Variants in MROH9 observed in about 807,000 individuals in gnomAD.
MROH9 encodes the protein maestro heat like repeat family member 9, also known as maestro heat-like repeat-containing protein family member 9.
In MROH9, 92 loss-of-function variants were observed where a neutral mutation model predicts 98.2. That is an observed-to-expected ratio of 0.94 (90% CI 0.79 to 1.11). The LOEUF (loss-of-function observed/expected upper bound fraction) is 1.11, where lower values mean the gene tolerates loss of function less well. Among genes scored for constraint, MROH9 ranks in the 50% most tolerant of loss-of-function variants. The probability of loss-of-function intolerance (pLI) is 0.00; values close to 1 mark genes in which losing one functional copy is unlikely to be tolerated. For missense variants in MROH9, 1,057 were observed against 1,014.8 expected, an observed-to-expected ratio of 1.04 and a Z score of -0.57; for synonymous variants, 397 against 368.9, an observed-to-expected ratio of 1.08 and a Z score of -0.87.
At position 171,062,178 on chromosome 1, in the gene MROH9, C is replaced by T. The variant is rs778665747; in HGVS notation, c.2328C>T (p.Ile776=). ...SGGHLLLRDE[I]EVMLDVIERL... The stretch of plus-strand genomic sequence containing the variant: ...GTCATTTACTGCTTAGAGATGAAAT[C>T]GAAGTCATGCTTGATGGTGAGTATT... Residue 776 remains isoleucine, a synonymous_variant, in exon 21 of 22, where the codon ATC becomes ATT. Coordinates refer to ENST00000367759, the MANE Select transcript of MROH9 (RefSeq NM_001163629.2). 9.0e-6 allele frequency: 14 copies of T among 1,548,804 alleles called. No individual in the cohort carries two copies. Among genetic ancestry groups the T allele is most frequent in the East Asian group, 4.9e-5 (2 of 40,844 alleles).
chr1:171,063,532 A>C (rs1654075204), intron 21 of MROH9, among the ~76,000 whole-genome samples: 1 of 152,268 alleles, frequency 6.6e-6, no homozygotes, highest in African/African-American at 2.4e-5. Context: ...GATTATAGGC[A>C]TGAGCCACCG....
At position 170,936,812 on chromosome 1, in the gene MROH9, T is replaced by G. The variant is rs143901317; in HGVS notation, c.-38+1225T>G. On this transcript the variant is annotated intron_variant, in intron 1 of 21. Transcript: ENST00000367759. ...GTGCACCGGCCCAGTTGGATTAACC[T>G]CCAAAGGACTGAGCCCTGAACAAAG... is the stretch of plus-strand genomic sequence containing the variant. Among the ~76,000 whole-genome samples, 1,060 of 150,426 alleles carry G rather than the reference T, an allele frequency of 7.0e-3. 7 individuals are homozygous for G. Among genetic ancestry groups the G allele is most frequent in the African/African-American group, 0.024 (984 of 40,768 alleles).
chr1:171,030,796 T>C (rs1652880542), intron 20 of MROH9, among the ~76,000 whole-genome samples: 1 of 152,232 alleles, frequency 6.6e-6, no homozygotes, highest in Admixed American at 6.5e-5. Flanking sequence ...CATATGTCTA[T>C]TGGGCCCATT....
chr1:171,060,566 G>A (rs1268325281), intron 20 of MROH9, among the ~76,000 whole-genome samples: 1 of 152,140 alleles, frequency 6.6e-6, no homozygotes, highest in Non-Finnish European at 1.5e-5. Flanking sequence ...ATGTCGTAGT[G>A]ACACAATGAT....
chr1:170,937,293 T>C (rs1648924349), intron 1 of MROH9, among the ~76,000 whole-genome samples: 1 of 152,214 alleles, frequency 6.6e-6, no homozygotes, highest in Non-Finnish European at 1.5e-5. Context: ...CTCTCTTCCT[T>C]GATGTCCTGT....
In MROH9 at chr1:171,059,992, A is replaced by G. The variant is rs192914341; in HGVS notation, c.2282-2140A>G. Among the ~76,000 whole-genome samples, 446 of 152,164 alleles carry G rather than the reference A, an allele frequency of 2.9e-3. 2 individuals carry two copies. The highest frequency in any genetic ancestry group is 0.017 in the Middle Eastern group (5 of 294). On this transcript the variant is annotated intron_variant, in intron 20 of 21. Transcript: ENST00000367759. ...CTCACATATTTTAAAAAATGATGGA[A>G]AGAGAAAGAAAATAAATTTCTCTCT...
intron 20 of MROH9, among the ~76,000 whole-genome samples, chr1:171,060,743 A>C (rs75493238): frequency 0.01 from 1,526 of 152,302 alleles, 27 homozygotes; most frequent in African/African-American, 0.035. Flanking sequence ...GATGGATGGT[A>C]TATATAAGCA....
intron 3 of MROH9, among the ~76,000 whole-genome samples, chr1:170,955,452 C>T (rs1043482964): frequency 1.2e-4 from 18 of 152,062 alleles, no homozygotes; most frequent in African/African-American, 4.1e-4. Flanking sequence ...TAGAAATGTT[C>T]CCTGATCACC....
Position 171,064,282 on chromosome 1 carries a change from A to G in MROH9, c.2528A>G (p.Asn843Ser), listed in dbSNP as rs999381625. 6.4e-7 allele frequency: 1 copy of G among 1,551,200 alleles called. No individual in the cohort carries two copies. The highest frequency in any genetic ancestry group is 8.7e-7 in the Non-Finnish European group (1 of 1,146,708). Residue 843 changes from asparagine (N) to serine (S), a missense_variant, in exon 22 of 22, where the codon AAT (asparagine) becomes AGT (serine). By Grantham distance (46) the Asn-to-Ser change is conservative (BLOSUM62 1). Transcript: ENST00000367759. The stretch of plus-strand genomic sequence containing the variant: ...CCTCTTTACAATTATAACTCACCCA[A>G]TGGCCAGATAGACAGTCCTACAGAC... ...LKPLYNYNSP[N>S]GQIDSPTDSK... is the part of the protein sequence containing the mutation.
intron 1 of MROH9, among the ~76,000 whole-genome samples, chr1:170,939,963 C>T (rs1230801849): frequency 6.6e-6 from 1 of 152,192 alleles, no homozygotes; most frequent in Non-Finnish European, 1.5e-5. Flanking sequence ...ACTGGATCTG[C>T]TGCATCCTAT....
chr1:171,031,533 A>T (rs1196939691), intron 20 of MROH9, among the ~76,000 whole-genome samples: 1 of 152,158 alleles, frequency 6.6e-6, no homozygotes, highest in East Asian at 1.9e-4. Context: ...TCCTTTGCTT[A>T]TGAAGCTTAA....
chr1:171,035,083 A>G (rs1653051438), intron 20 of MROH9, among the ~76,000 whole-genome samples: 1 of 152,192 alleles, frequency 6.6e-6, no homozygotes, highest in African/African-American at 2.4e-5. Flanking sequence ...AAACTTTTAG[A>G]AGAAAATGTA....
chr1:170,986,887 G>A (rs972968986), intron 10 of MROH9, among the ~76,000 whole-genome samples, 177 bp downstream of exon 10: 2 of 152,256 alleles, frequency 1.3e-5, no homozygotes, highest in African/African-American at 4.8e-5. Flanking sequence ...GTCTTGCTCT[G>A]TGGCTCACGC....
intron 5 of MROH9, among the ~76,000 whole-genome samples, chr1:170,959,942 G>A (rs1207484447): frequency 4.6e-5 from 7 of 152,138 alleles, no homozygotes; most frequent in East Asian, 3.8e-4. Flanking sequence ...AAACATCTGC[G>A]GTCTCCATTT....
In MROH9 at chr1:171,020,607, C is replaced by G. The variant is rs767777588; in HGVS notation, c.1909-3788C>G. On this transcript the variant is annotated intron_variant, in intron 17 of 21. Transcript: ENST00000367759. ...CTCAATAAACCTGGTATTGTTGGAA[C>G]ATATTTCAAAATAATAAGAGCTATT... 4.6e-5 allele frequency among the ~76,000 whole-genome samples: 7 copies of G among 151,952 alleles called. 1 individual carries two copies. Among genetic ancestry groups the G allele is most frequent in the African/African-American group, 7.2e-5 (3 of 41,406 alleles).
intron 7 of MROH9, among the ~76,000 whole-genome samples, chr1:170,969,221 A>G (rs1650343861): frequency 6.6e-6 from 1 of 152,172 alleles, no homozygotes; most frequent in African/African-American, 2.4e-5. Flanking sequence ...TCTAACACAC[A>G]CATATGGCAT....
At chr1:171,037,084 C>T (rs951930259) in intron 20 of MROH9, among the ~76,000 whole-genome samples, 5 of 151,658 alleles carry the variant, frequency 3.3e-5, no homozygotes, top group African/African-American at 1.2e-4. Flanking sequence ...TATATCTATT[C>T]TTTTATATAC....
At chr1:171,045,638 AT>A (rs1316064587) in intron 20 of MROH9, among the ~76,000 whole-genome samples, 1 of 151,996 alleles carries the variant, frequency 6.6e-6, no homozygotes, top group Non-Finnish European at 1.5e-5. Flanking sequence ...GTTTTATTCC[AT>A]TGTGGTCAAA....
chr1:171,060,033 AG>A (rs201437447), intron 20 of MROH9, among the ~76,000 whole-genome samples: 274 of 152,250 alleles, frequency 1.8e-3, no homozygotes, highest in African/African-American at 6.0e-3. Flanking sequence ...TAAAAAAAAA[AG>A]ACTACCTATT....
Sources: gnomAD v4.1 joint callset for allele counts (sites outside exome capture counted in the v4.1 genomes callset) on GRCh38, gnomAD v4.1.1 for gene constraint, MANE v1.5 for transcripts, NCBI Gene and HGNC (gene_info 2026-07-23, HGNC 2026-07-21) for gene names.